KLHL3: variants seen among roughly 807,000 people sequenced by gnomAD.
KLHL3 encodes kelch like family member 3.
Under a neutral mutation model 70.5 loss-of-function variants are expected in KLHL3, and 19 were observed. The observed-to-expected ratio is 0.27, with a 90% CI of 0.19 to 0.40. KLHL3 has a LOEUF of 0.40. Ranked by LOEUF, KLHL3 falls within the 10% of genes least tolerant of loss-of-function variation. The probability of loss-of-function intolerance (pLI) is 1.00; values close to 1 mark genes in which losing one functional copy is unlikely to be tolerated. For missense variants in KLHL3, 512 were observed against 771.1 expected (o/e 0.66, Z 3.98); for synonymous variants, 258 against 290.3 (o/e 0.89, Z 1.13).
In KLHL3 at chr5:137,677,570, T is replaced by A. The variant is rs772020247; in HGVS notation, c.611A>T (p.Lys204Met). The A allele has an allele frequency of 5.0e-6, 8 of 1,606,612 alleles. No individual in the cohort carries two copies. The highest frequency in any genetic ancestry group is 1.7e-4 in the Middle Eastern group (1 of 6,034). The stretch of plus-strand genomic sequence containing the variant: ...CTTCTCTTCTGAAGAAACGGTCAGC[T>A]TGTCGCTGGATATCAAGCTGCACAC... ...DQVCSLISSD[K>M]LTVSSEEKVF... Residue 204 changes from lysine to methionine, a missense_variant, in exon 6 of 15, where the codon AAG becomes ATG. Coordinates refer to ENST00000309755, the MANE Select transcript of KLHL3 (RefSeq NM_017415.3).
At position 137,619,701 on chromosome 5, in the gene KLHL3, G is replaced by A. The variant is rs995255323; in HGVS notation, c.*2397C>T. On this transcript the variant is annotated 3_prime_UTR_variant, in exon 15 of 15. Coordinates refer to ENST00000309755, the MANE Select transcript of KLHL3 (RefSeq NM_017415.3). ...CAGTGTTCTGGTCCCCGTGAAAAAG[G>A]ATACATGAGGATGGAGTGCACATGG... 1.3e-5 allele frequency: 2 copies of A among 152,748 alleles called. No homozygotes were observed. Among genetic ancestry groups the A allele is most frequent in the African/African-American group, 4.8e-5 (2 of 41,464 alleles). 9.5% of individuals were successfully genotyped at this position (152,748 alleles called of 1,614,324 possible).
At position 137,637,202 on chromosome 5, in the gene KLHL3, C is replaced by A. The variant is rs1750787924; in HGVS notation, c.1321+92G>T. 2.3e-5 allele frequency: 23 copies of A among 1,010,860 alleles called. No homozygotes were observed. The Admixed American group carries it at 4.2e-4, about 19-fold the overall frequency. The allele number at this position is 1,010,860 out of a possible 1,614,324, so 62.6% of individuals were successfully genotyped here. On this transcript the variant is annotated intron_variant, in intron 11 of 14. Coordinates refer to ENST00000309755, the MANE Select transcript of KLHL3 (RefSeq NM_017415.3). The stretch of plus-strand genomic sequence containing the variant: ...AGAGGAGTGATCTCAGGAAAAAAAA[C>A]ACGGTAGAGGAAGCACCAAGCATGA...
chr5:137,655,228 C>G (rs1043070509), intron 8 of KLHL3, among the ~76,000 whole-genome samples: 1 of 152,156 alleles, frequency 6.6e-6, no homozygotes, highest in Non-Finnish European at 1.5e-5. Context: ...CACTTAGAAT[C>G]AACATTCTCA....
chr5:137,627,479 C>A lies in KLHL3; in HGVS notation c.1591+818G>T, dbSNP rs1026853003. On this transcript the variant is annotated intron_variant, in intron 13 of 14. Transcript: ENST00000309755. The stretch of plus-strand genomic sequence containing the variant: ...TGAGTAAATTAGTAAATATCACCAC[C>A]CCCCCCCCCGGTTTACACTTCCAAG... 3.7e-4 allele frequency among the ~76,000 whole-genome samples: 42 copies of A among 112,834 alleles called. 8 individuals carry two copies. In the South Asian group the frequency reaches 0.015, roughly 41 times the overall value. 74.0% of individuals were successfully genotyped at this position (112,834 alleles called of 152,430 possible).
At chr5:137,672,225 T>A (rs933931187) in intron 6 of KLHL3, among the ~76,000 whole-genome samples, 2 of 152,234 alleles carry the variant, frequency 1.3e-5, no homozygotes, top group Non-Finnish European at 2.9e-5. Context: ...CTCAGTCACC[T>A]GGCAATGCCT....
intron 6 of KLHL3, among the ~76,000 whole-genome samples, chr5:137,669,959 C>A (rs1363338589): frequency 6.6e-6 from 1 of 152,084 alleles, no homozygotes; most frequent in Admixed American, 6.6e-5. Flanking sequence ...GTGCCTAGGC[C>A]ACAGGCTCCT....
At chr5:137,690,095 AGGCAGGC>A (rs1185973445) in intron 5 of KLHL3, among the ~76,000 whole-genome samples, 9 of 152,244 alleles carry the variant, frequency 5.9e-5, no homozygotes, top group African/African-American at 1.4e-4. Context: ...TGGGAGGCTG[AGGCAGGC>A]GGATCACAAG....
rs1282322803 is a variant in KLHL3, at chr5:137,625,803, T to G, written c.1685A>C (p.Asp562Ala). ...GTTCGTTGGAAGCAGCGTCCATTTG[T>G]CAGTGACAGGATTGTAGTACTCCAC... is the stretch of plus-strand genomic sequence containing the variant. ...ASVEYYNPVT[D>A]KWTLLPTNMS... The change falls in exon 14 of 15, where the codon GAC becomes GCC. Residue 562 changes from aspartate (D) to alanine (A), a missense_variant. Asp to Ala is a moderately radical substitution (Grantham distance 126). Transcript: ENST00000309755. The G allele has an allele frequency of 6.2e-7, 1 of 1,614,108 alleles. No homozygotes were observed. Among genetic ancestry groups the G allele is most frequent in the Admixed American group, 1.7e-5 (1 of 60,010 alleles).
At chr5:137,638,664 C>T (rs1023588563) in intron 10 of KLHL3, among the ~76,000 whole-genome samples, 4 of 152,166 alleles carry the variant, frequency 2.6e-5, no homozygotes, top group African/African-American at 9.7e-5. Flanking sequence ...GCTAAGCATG[C>T]TCTCCTTCTA....
chr5:137,700,504 A>G (rs570664495), intron 3 of KLHL3, among the ~76,000 whole-genome samples: 2 of 152,336 alleles, frequency 1.3e-5, no homozygotes, highest in South Asian at 4.1e-4. Context: ...TTTGGGGTAA[A>G]TAAATGGAAA....
At chr5:137,695,275 A>G (rs1468632176) in intron 4 of KLHL3, among the ~76,000 whole-genome samples, 1 of 152,174 alleles carries the variant, frequency 6.6e-6, no homozygotes, top group African/African-American at 2.4e-5. Context: ...TTAGTAGGCA[A>G]AAATTATAAG....
chr5:137,692,610 A>C, intron 4 of KLHL3, 163 bp from the exon 5 acceptor site: 1 of 637,036 alleles, frequency 1.6e-6, no homozygotes, highest in East Asian at 2.8e-5. Flanking sequence ...ATTTCCCACT[A>C]CTCTGCCCTT....
intron 6 of KLHL3, among the ~76,000 whole-genome samples, chr5:137,676,003 G>A (rs1190977284): frequency 1.3e-5 from 2 of 152,148 alleles, no homozygotes; most frequent in East Asian, 3.9e-4. Flanking sequence ...CAGTAAACGT[G>A]CTTGGTAAGA....
At chr5:137,706,546 T>G (rs922324187) in intron 3 of KLHL3, 2 of 175,242 alleles carry the variant, frequency 1.1e-5, no homozygotes, top group African/African-American at 4.8e-5. Flanking sequence ...GAGTACTTCT[T>G]ATTCTAGGAA....
At chr5:137,665,639 GA>G (rs570765327) in intron 6 of KLHL3, among the ~76,000 whole-genome samples, 3 of 152,060 alleles carry the variant, frequency 2.0e-5, no homozygotes, top group East Asian at 3.9e-4. Context: ...AAATTCTAAG[GA>G]AAAAAACTAC....
chr5:137,731,366 G>A (rs1753170453), intron 1 of KLHL3, among the ~76,000 whole-genome samples: 1 of 152,174 alleles, frequency 6.6e-6, no homozygotes, highest in African/African-American at 2.4e-5. Context: ...TTCTAAGGTT[G>A]GGGGAGGACT....
intron 6 of KLHL3, among the ~76,000 whole-genome samples, chr5:137,666,917 T>C (rs74406004): frequency 0.029 from 4,401 of 152,316 alleles, 101 homozygotes; most frequent in Non-Finnish European, 0.049. Flanking sequence ...CTCTTAAGCC[T>C]TATTAAATGA....
At chr5:137,732,261 T>C (rs1753190337) in intron 1 of KLHL3, among the ~76,000 whole-genome samples, 1 of 151,974 alleles carries the variant, frequency 6.6e-6, no homozygotes, top group Non-Finnish European at 1.5e-5. Context: ...ATCACCTTCC[T>C]CTGACTGTTC....
At chr5:137,735,611 G>GCA (rs1179509563) in intron 1 of KLHL3, 22 bp downstream of exon 1, 9 of 1,575,962 alleles carry the variant, frequency 5.7e-6, no homozygotes, top group Non-Finnish European at 7.9e-6. Flanking sequence ...ACACAACACA[G>GCA]CACACACTTA....
Sources: allele counts gnomAD v4.1 joint callset (sites outside exome capture counted in the v4.1 genomes callset), GRCh38; gene constraint gnomAD v4.1.1; transcripts MANE v1.5; gene names NCBI Gene and HGNC (gene_info 2026-07-23, HGNC 2026-07-21).